The following SLC16A7 variants were observed in gnomAD, a reference collection of about 807,000 sequenced individuals.
SLC16A7 encodes monocarboxylate transporter 2.
A neutral mutation model predicts 34.9 loss-of-function variants in SLC16A7; 33 were observed. The observed-to-expected ratio is 0.94, with a 90% CI of 0.72 to 1.26. The LOEUF is 1.26. Ranked by LOEUF, SLC16A7 falls within the 50% of genes most tolerant of loss-of-function variation. SLC16A7 has a pLI of 0.00. For missense variants in SLC16A7, 573 were observed against 578.1 expected, an observed-to-expected ratio of 0.99 and a Z score of 0.09; for synonymous variants, 201 against 206.6, an observed-to-expected ratio of 0.97 and a Z score of 0.23.
chr12:59,716,902 G>GT (rs1483470732), intron 3 of SLC16A7, among the ~76,000 whole-genome samples: 3 of 152,090 alleles, frequency 2.0e-5, no homozygotes, highest in African/African-American at 7.2e-5. Context: ...AGCATTTAAA[G>GT]TATCTTTTTG....
chr12:59,758,057 A>G (rs1880592977), intron 3 of SLC16A7, among the ~76,000 whole-genome samples: 1 of 152,092 alleles, frequency 6.6e-6, no homozygotes, highest in African/African-American at 2.4e-5. Context: ...TGAACAACAC[A>G]GGGTCCAACA....
intron 3 of SLC16A7, among the ~76,000 whole-genome samples, chr12:59,763,519 G>T (rs1287066739): frequency 6.6e-6 from 1 of 152,100 alleles, no homozygotes; most frequent in African/African-American, 2.4e-5. Flanking sequence ...GCATTTCTGA[G>T]AAGTGTCTCA....
chr12:59,719,509 T>G (rs1875316199), intron 3 of SLC16A7, among the ~76,000 whole-genome samples: 1 of 152,086 alleles, frequency 6.6e-6, no homozygotes, highest in Non-Finnish European at 1.5e-5. Flanking sequence ...TTAAACCAAA[T>G]TTTATAACAG....
At chr12:59,762,257 CTT>C (rs1881095083) in intron 3 of SLC16A7, among the ~76,000 whole-genome samples, 1 of 152,052 alleles carries the variant, frequency 6.6e-6, no homozygotes, top group Non-Finnish European at 1.5e-5. Flanking sequence ...AATATGGAGC[CTT>C]TCTTTTTATA....
Position 59,703,577 on chromosome 12 carries a change from G to A in SLC16A7, c.-30-1195G>A, listed in dbSNP as rs551619981. Among the ~76,000 whole-genome samples the A allele has an allele frequency of 2.6e-5, 4 of 152,206 alleles. No individual in the cohort carries two copies. The South Asian group carries it at 8.3e-4, about 32-fold the overall frequency. ...GGAGATATTTTCTGTACAAATCATT[G>A]TGGCAATTAAAAGTCTTATTTAGCT... is the stretch of plus-strand genomic sequence containing the variant. On this transcript the variant is annotated intron_variant, in intron 2 of 5. Transcript: ENST00000547379.
At chr12:59,727,143 G>C (rs996462829) in intron 3 of SLC16A7, among the ~76,000 whole-genome samples, 8 of 127,224 alleles carry the variant, frequency 6.3e-5, no homozygotes, top group Non-Finnish European at 9.5e-5. Context: ...TTAAAAATAT[G>C]AGATGGACAT....
At position 59,750,798 on chromosome 12, in the gene SLC16A7, T is replaced by TTGCA. The variant is rs1348653547; in HGVS notation, c.218-20420_218-20417dup. Among the ~76,000 whole-genome samples, 6 of 152,232 alleles carry TTGCA rather than the reference T, an allele frequency of 3.9e-5. No homozygotes were observed. The East Asian group carries it at 5.8e-4, about 15-fold the overall frequency. On this transcript the variant is annotated intron_variant, in intron 3 of 5. Coordinates refer to ENST00000547379, the MANE Select transcript of SLC16A7 (RefSeq NM_001270623.2). The stretch of plus-strand genomic sequence containing the variant: ...TAGCACTGTTCACAATAGCAAAGAC[T>TTGCA]TGCAACCAACCCAAATGCCCATCAA...
chr12:59,609,783 T>A (rs909631538), intron 1 of SLC16A7, among the ~76,000 whole-genome samples: 7 of 152,182 alleles, frequency 4.6e-5, no homozygotes, highest in Non-Finnish European at 8.8e-5. Flanking sequence ...CCGCTTGTGG[T>A]CTATAAAACC....
chr12:59,751,150 C>T lies in SLC16A7; in HGVS notation c.218-20069C>T, dbSNP rs554939415. ...TGCTGGAGCCAAATAGGAACAGCTC[C>T]GGTCTACAGCTCCCATCGTGAGCGA... On this transcript the variant is annotated intron_variant, in intron 3 of 5. Transcript: ENST00000547379. Among the ~76,000 whole-genome samples the T allele has an allele frequency of 2.1e-4, 32 of 152,298 alleles. 1 individual carries two copies. Among genetic ancestry groups the T allele is most frequent in the African/African-American group, 5.3e-4 (22 of 41,570 alleles).
intron 3 of SLC16A7, among the ~76,000 whole-genome samples, chr12:59,736,800 C>T (rs1025391545): frequency 1.3e-5 from 2 of 152,196 alleles, no homozygotes; most frequent in African/African-American, 2.4e-5. Flanking sequence ...GCATAACTTC[C>T]TCCACATGCT....
At chr12:59,654,654 T>A (rs1158044518) in intron 1 of SLC16A7, among the ~76,000 whole-genome samples, 1 of 151,670 alleles carries the variant, frequency 6.6e-6, no homozygotes, top group East Asian at 1.9e-4. Context: ...ATGTAAAAAA[T>A]TTCAAGATAT....
chr12:59,665,955 A>T (rs1273684179), intron 2 of SLC16A7, among the ~76,000 whole-genome samples: 5 of 152,150 alleles, frequency 3.3e-5, no homozygotes, highest in Non-Finnish European at 5.9e-5. Flanking sequence ...TCAAGTAAAC[A>T]TCAAAAGCTA....
At chr12:59,655,700 TA>T (rs1391687087) in intron 2 of SLC16A7, among the ~76,000 whole-genome samples, 1 of 151,902 alleles carries the variant, frequency 6.6e-6, no homozygotes, top group Non-Finnish European at 1.5e-5. Flanking sequence ...AAAATGATCA[TA>T]TTGGGGTTTT....
chr12:59,698,480 G>A (rs1244421584), intron 2 of SLC16A7, among the ~76,000 whole-genome samples: 1 of 151,706 alleles, frequency 6.6e-6, no homozygotes, highest in Non-Finnish European at 1.5e-5. Context: ...TCTTACACTG[G>A]ATGGCATCTT....
intron 3 of SLC16A7, among the ~76,000 whole-genome samples, chr12:59,712,574 A>G (rs1874360018): frequency 6.6e-6 from 1 of 152,152 alleles, no homozygotes; most frequent in African/African-American, 2.4e-5. Flanking sequence ...GTCTCCGTCA[A>G]CCCGGTGTAG....
chr12:59,770,180 G>GTA (rs1555181997), intron 3 of SLC16A7, among the ~76,000 whole-genome samples: 1 of 152,020 alleles, frequency 6.6e-6, no homozygotes, highest in Non-Finnish European at 1.5e-5. Flanking sequence ...AATATTTTAT[G>GTA]TATATACACA....
chr12:59,703,232 T>C (rs1305908322), intron 2 of SLC16A7, among the ~76,000 whole-genome samples: 1 of 152,114 alleles, frequency 6.6e-6, no homozygotes, highest in African/African-American at 2.4e-5. Flanking sequence ...GTGTATTTAG[T>C]CAGGAATAAC....
At chr12:59,724,164 C>G (rs1206362616) in intron 3 of SLC16A7, among the ~76,000 whole-genome samples, 1 of 152,040 alleles carries the variant, frequency 6.6e-6, no homozygotes, top group Non-Finnish European at 1.5e-5. Context: ...AGAGCAGCTT[C>G]TGTTAGATCT....
chr12:59,632,978 G>A (rs147083078), intron 1 of SLC16A7, among the ~76,000 whole-genome samples: 1 of 151,884 alleles, frequency 6.6e-6, no homozygotes, highest in South Asian at 2.1e-4. Context: ...GTTACCAAAA[G>A]GTGAGGTATC....
Sources: gnomAD v4.1 joint callset for allele counts (sites outside exome capture counted in the v4.1 genomes callset) on GRCh38, gnomAD v4.1.1 for gene constraint, MANE v1.5 for transcripts, NCBI Gene and HGNC (gene_info 2026-07-23, HGNC 2026-07-21) for gene names.